The following PTBP3 variants were observed in gnomAD, a reference collection of about 807,000 sequenced individuals.
The protein encoded by PTBP3 is polypyrimidine tract-binding protein 3.
Under a neutral mutation model 58.7 loss-of-function variants are expected in PTBP3, and 20 were observed. That is an observed-to-expected ratio of 0.34 (90% CI 0.24 to 0.50). The LOEUF (loss-of-function observed/expected upper bound fraction) is 0.50, where lower values mean the gene tolerates loss of function less well. PTBP3 is among the 20% of genes least tolerant of loss of function. The pLI, the probability that PTBP3 is intolerant of heterozygous loss-of-function variation, is 0.98. For synonymous variants in PTBP3, 185 were observed against 219.8 expected, an observed-to-expected ratio of 0.84 and a Z score of 1.40; for missense variants, 509 against 637.2, an observed-to-expected ratio of 0.80 and a Z score of 2.17.
chr9:112,280,733 T>C (rs1052301160), intron 2 of PTBP3, among the ~76,000 whole-genome samples: 22 of 151,306 alleles, frequency 1.5e-4, no homozygotes, highest in Admixed American at 1.1e-3. Flanking sequence ...ATGATTTTTT[T>C]CCTCACTCTT....
chr9:112,250,942 C>T lies in PTBP3; in HGVS notation c.789G>A (p.Met263Ile). 1 of 1,599,102 alleles carries T rather than the reference C, an allele frequency of 6.3e-7. No individual in the cohort carries two copies. The highest frequency in any genetic ancestry group is 8.5e-7 in the Non-Finnish European group (1 of 1,173,390). ...AGAACTACTCACCAAAAGCAGCAGCCATAGGGGGTTCAAGGGATGGCTGGC... is the reference window on the plus strand; with the variant it reads ...AGAACTACTCACCAAAAGCAGCAGCTATAGGGGGTTCAAGGGATGGCTGGC... ...GDGQPSLEPPMAAAFGAPGII... is the reference protein window; with the variant it reads ...GDGQPSLEPPIAAAFGAPGII... The change falls in exon 7 of 14, where the codon ATG becomes ATA. Residue 263 changes from methionine to isoleucine, a missense_variant. This residue lies in a region of PTBP3 where 121 missense variants were observed against 114.8 expected (regional missense o/e 1.05). Transcript: ENST00000374257.
intron 7 of PTBP3, among the ~76,000 whole-genome samples, chr9:112,249,901 C>T (rs1836036848): frequency 6.6e-6 from 1 of 151,430 alleles, no homozygotes; most frequent in African/African-American, 2.4e-5. Flanking sequence ...ACTGCCAAAT[C>T]AGATAAGTAA....
At chr9:112,263,903 C>G (rs957362789) in intron 4 of PTBP3, among the ~76,000 whole-genome samples, 11 of 151,642 alleles carry the variant, frequency 7.3e-5, no homozygotes, top group Non-Finnish European at 2.9e-5. Flanking sequence ...ATAATGGAAA[C>G]TTTTTTCTAA....
At chr9:112,308,664 G>C (rs944676354) in intron 1 of PTBP3, among the ~76,000 whole-genome samples, 1 of 152,064 alleles carries the variant, frequency 6.6e-6, no homozygotes, top group Non-Finnish European at 1.5e-5. Flanking sequence ...ACTGTACCAC[G>C]GGTAAACAAA....
At chr9:112,284,154 T>C (rs1268856010) in intron 2 of PTBP3, among the ~76,000 whole-genome samples, 3 of 152,158 alleles carry the variant, frequency 2.0e-5, no homozygotes, top group African/African-American at 7.2e-5. Flanking sequence ...CTGCACCTAG[T>C]GGAGCTGTGA....
upstream of PTBP3, among the ~76,000 whole-genome samples, chr9:112,337,798 T>A (rs1039120274): frequency 2.0e-5 from 3 of 152,246 alleles, no homozygotes; most frequent in African/African-American, 7.2e-5. Flanking sequence ...AACACTTGCC[T>A]TAAGGCATTC....
the PTBP3 span, among the ~76,000 whole-genome samples, chr9:112,369,272 C>A: frequency 6.6e-6 from 1 of 152,214 alleles, no homozygotes; most frequent in African/African-American, 2.4e-5. Context: ...GACAGACCCA[C>A]TGACAGCTTG....
intron 12 of PTBP3, among the ~76,000 whole-genome samples, chr9:112,225,581 T>G (rs1043611953): frequency 3.9e-5 from 6 of 152,228 alleles, no homozygotes; most frequent in African/African-American, 9.7e-5. Context: ...TTAAATTATG[T>G]GTATTTTATC....
chr9:112,305,062 CA>C (rs1829116891), intron 1 of PTBP3, among the ~76,000 whole-genome samples: 1 of 152,156 alleles, frequency 6.6e-6, no homozygotes, highest in South Asian at 2.1e-4. Context: ...TACTGCACTA[CA>C]GGTGATGACT....
the PTBP3 span, among the ~76,000 whole-genome samples, chr9:112,350,059 C>T: frequency 6.6e-6 from 1 of 151,146 alleles, no homozygotes; most frequent in Non-Finnish European, 1.5e-5. Context: ...AATTTATGTA[C>T]CATTTAAAGA....
upstream of PTBP3, among the ~76,000 whole-genome samples, chr9:112,334,242 A>T (rs1335322889): frequency 6.6e-6 from 1 of 152,140 alleles, no homozygotes; most frequent in Non-Finnish European, 1.5e-5. Flanking sequence ...TGGAATTTGT[A>T]TACAATTTAA....
chr9:112,341,096 T>C, the PTBP3 span, among the ~76,000 whole-genome samples: 1 of 152,124 alleles, frequency 6.6e-6, no homozygotes, highest in African/African-American at 2.4e-5. Flanking sequence ...TTTTTTGTTT[T>C]TGTTTTTGTT....
At chr9:112,344,402 T>C in the PTBP3 span, among the ~76,000 whole-genome samples, 1 of 152,136 alleles carries the variant, frequency 6.6e-6, no homozygotes, top group Non-Finnish European at 1.5e-5. Flanking sequence ...AAGAACAGGT[T>C]GTTATAAAGC....
chr9:112,344,388 T>A, the PTBP3 span, among the ~76,000 whole-genome samples: 1 of 152,162 alleles, frequency 6.6e-6, no homozygotes, highest in African/African-American at 2.4e-5. Context: ...CCATTAGTTA[T>A]CACAAGAACA....
the PTBP3 span, among the ~76,000 whole-genome samples, chr9:112,376,156 G>GATAGATATATATATAT: frequency 3.4e-5 from 4 of 116,798 alleles, no homozygotes; most frequent in South Asian, 2.8e-4. Flanking sequence ...TTCTCTAGAG[G>GATAGATATATATATAT]ATATATATAT....
At chr9:112,379,870 C>G in the PTBP3 span, 29 of 544,126 alleles carry the variant, frequency 5.3e-5, 1 homozygote, top group Admixed American at 7.3e-5. Flanking sequence ...CTGATTGTCA[C>G]CGTACGACCA....
In PTBP3 at chr9:112,262,452, G is replaced by A; in HGVS notation, c.499C>T (p.Leu167=). ...IIENLFYPVT[L]EVLHQIFSKF... The stretch of plus-strand genomic sequence containing the variant: ...CTCCTTACCTGATGAAGAACTTCCA[G>A]GGTAACAGGGTAAAAGAGGTTTTCA... The change falls in exon 5 of 14, where the codon CTG becomes TTG. Residue 167 remains leucine (L), a synonymous_variant. Transcript: ENST00000374257. 1 of 1,601,986 alleles carries A rather than the reference G, an allele frequency of 6.2e-7. No individual in the cohort carries two copies. The highest frequency in any genetic ancestry group is 2.3e-5 in the East Asian group (1 of 44,016).
the PTBP3 span, among the ~76,000 whole-genome samples, chr9:112,347,557 G>A: frequency 3.2e-4 from 48 of 152,098 alleles, no homozygotes; most frequent in African/African-American, 1.1e-3. Flanking sequence ...TGCCAAGGCT[G>A]GTCTCGAACT....
the PTBP3 span, among the ~76,000 whole-genome samples, chr9:112,346,626 T>C: frequency 6.6e-6 from 1 of 152,250 alleles, no homozygotes; most frequent in Non-Finnish European, 1.5e-5. Context: ...TTTAAGGTTT[T>C]AGATGGTTTA....
Sources: allele counts gnomAD v4.1 joint callset (sites outside exome capture counted in the v4.1 genomes callset), GRCh38; gene constraint gnomAD v4.1.1; regional missense constraint gnomAD v4.1.1; transcripts MANE v1.5; gene names NCBI Gene and HGNC (gene_info 2026-07-23, HGNC 2026-07-21).